CACNA1C: variants seen among roughly 807,000 people sequenced by gnomAD.
CACNA1C encodes calcium voltage-gated channel subunit alpha1 C.
In CACNA1C, 30 loss-of-function variants were observed where a neutral mutation model predicts 229.0. The observed-to-expected ratio is 0.13, with a 90% CI of 0.10 to 0.18. CACNA1C has a LOEUF of 0.18. CACNA1C is among the 10% of genes least tolerant of loss of function. The pLI is 1.00. For synonymous variants in CACNA1C, 1,114 were observed against 1,132.5 expected (o/e 0.98, Z 0.33); for missense variants, 1,658 against 2,845.0 (o/e 0.58, Z 9.49).
chr12:2,586,987 A>G (rs1461543600), intron 18 of CACNA1C, among the ~76,000 whole-genome samples: 1 of 152,230 alleles, frequency 6.6e-6, no homozygotes, highest in African/African-American at 2.4e-5. Context: ...AACAAATGCA[A>G]TGGGAGGATC....
chr12:2,680,193 C>T (rs879216878), intron 42 of CACNA1C, among the ~76,000 whole-genome samples: 1 of 151,938 alleles, frequency 6.6e-6, no homozygotes, highest in Admixed American at 6.5e-5. Flanking sequence ...GTTTCCATTG[C>T]TTCCCTGGAG....
intron 3 of CACNA1C, among the ~76,000 whole-genome samples, chr12:2,384,276 T>A (rs1443855836): frequency 6.6e-6 from 1 of 152,248 alleles, no homozygotes; most frequent in Non-Finnish European, 1.5e-5. Flanking sequence ...TTGTTACATC[T>A]TGTTTCTACT....
intron 3 of CACNA1C, among the ~76,000 whole-genome samples, chr12:2,336,123 C>G (rs1029634439): frequency 2.6e-5 from 4 of 151,792 alleles, no homozygotes; most frequent in African/African-American, 9.7e-5. Context: ...GAGAAACTGG[C>G]AAAGCATGGA....
chr12:2,364,526 C>T (rs1238888050), intron 3 of CACNA1C, among the ~76,000 whole-genome samples: 1 of 152,136 alleles, frequency 6.6e-6, no homozygotes, highest in South Asian at 2.1e-4. Flanking sequence ...TTCTTAATAC[C>T]GTTCAGAAAA....
At chr12:2,107,029 T>G (rs12366536) in intron 1 of CACNA1C, among the ~76,000 whole-genome samples, 751 of 18,702 alleles carry the variant, frequency 0.04, 35 homozygotes, top group African/African-American at 0.061. Context: ...CCCGGGGAGG[T>G]TTTCCACCTC....
intron 3 of CACNA1C, among the ~76,000 whole-genome samples, chr12:2,375,828 G>A (rs999909208): frequency 6.6e-6 from 1 of 152,220 alleles, no homozygotes; most frequent in South Asian, 2.1e-4. Context: ...AGAGCTCACT[G>A]GTAACTCAGG....
At chr12:1,977,763 T>C (rs2034880333) in intron 1 of CACNA1C, among the ~76,000 whole-genome samples, 1 of 152,236 alleles carries the variant, frequency 6.6e-6, no homozygotes, top group African/African-American at 2.4e-5. Context: ...CTAAGTATAG[T>C]GAGCAATATT....
chr12:2,360,754 G>T (rs537852261), intron 3 of CACNA1C, among the ~76,000 whole-genome samples: 1 of 152,192 alleles, frequency 6.6e-6, no homozygotes, highest in African/African-American at 2.4e-5. Context: ...GTCTCTACTG[G>T]CTGTTTGAAG....
chr12:2,248,910 C>T (rs1435418968), intron 3 of CACNA1C, among the ~76,000 whole-genome samples: 1 of 152,180 alleles, frequency 6.6e-6, no homozygotes, highest in Non-Finnish European at 1.5e-5. Context: ...GTCCTGTTCT[C>T]ACAGAGCTGC....
chr12:2,061,726 G>C (rs1313395704), intron 1 of CACNA1C, among the ~76,000 whole-genome samples: 6 of 152,146 alleles, frequency 3.9e-5, no homozygotes, highest in Non-Finnish European at 8.8e-5. Flanking sequence ...CTGAAAATAG[G>C]GCCATTGAGG....
At chr12:2,088,782 C>T (rs779412236) in intron 1 of CACNA1C, among the ~76,000 whole-genome samples, 6 of 151,986 alleles carry the variant, frequency 3.9e-5, no homozygotes, top group Admixed American at 1.3e-4. Context: ...GCTCAGCTTA[C>T]GTTAAGAGAT....
rs944136432 is a variant in CACNA1C, at chr12:2,354,206, C to T, written c.478-94770C>T. 1.3e-5 allele frequency among the ~76,000 whole-genome samples: 2 copies of T among 152,144 alleles called. No individual in the cohort carries two copies. Among genetic ancestry groups the T allele is most frequent in the Admixed American group, 6.5e-5 (1 of 15,272 alleles). The stretch of plus-strand genomic sequence containing the variant: ...GAAGCCCCGCCTTTCATGTGGGCCC[C>T]GCACAGTTAGGCTGCCCGAGTCCCT... On this transcript the variant is annotated intron_variant, in intron 3 of 46. Transcript: ENST00000399655. The surrounding 1 kb of genome is among the most constrained non-coding windows in gnomAD (Gnocchi z 4.6).
At chr12:2,122,281 C>T (rs1249752692) in intron 3 of CACNA1C, among the ~76,000 whole-genome samples, 1 of 152,128 alleles carries the variant, frequency 6.6e-6, no homozygotes. Flanking sequence ...CAAACATCAT[C>T]GAATTGTGTA....
chr12:2,450,510 T>TGC (rs2099357019), intron 4 of CACNA1C, among the ~76,000 whole-genome samples: 1 of 123,920 alleles, frequency 8.1e-6, no homozygotes, highest in Non-Finnish European at 1.6e-5. Flanking sequence ...GCCGAGATCA[T>TGC]GCCACTGCAC....
intron 21 of CACNA1C, among the ~76,000 whole-genome samples, chr12:2,600,540 G>A (rs780683792): frequency 1.3e-5 from 2 of 152,168 alleles, no homozygotes; most frequent in Admixed American, 6.5e-5. Context: ...CCCTTTGGCC[G>A]ATGCTTCCTG....
chr12:2,438,117 G>C (rs1315525112), intron 3 of CACNA1C, among the ~76,000 whole-genome samples: 1 of 150,218 alleles, frequency 6.7e-6, no homozygotes, highest in Non-Finnish European at 1.5e-5. Flanking sequence ...AGTGATAGTA[G>C]AGGTAGTAGT....
chr12:2,284,292 G>GTT (rs2092223223), intron 3 of CACNA1C, among the ~76,000 whole-genome samples: 1 of 146,004 alleles, frequency 6.8e-6, no homozygotes, highest in African/African-American at 2.6e-5. Context: ...CAGACCTCTA[G>GTT]ATTTTTTTTT....
intron 34 of CACNA1C, among the ~76,000 whole-genome samples, chr12:2,656,184 A>G (rs529091853): frequency 7.2e-5 from 11 of 152,250 alleles, no homozygotes; most frequent in South Asian, 2.1e-4. Flanking sequence ...GATCTTATAT[A>G]TAGAAAATCC....
At chr12:1,992,955 T>C in intron 1 of CACNA1C, 1 of 597,064 alleles carries the variant, frequency 1.7e-6, no homozygotes, top group Non-Finnish European at 3.0e-6. Context: ...GTCTCCTCAC[T>C]AAGAACTTGC....
Sources: allele counts gnomAD v4.1 joint callset (sites outside exome capture counted in the v4.1 genomes callset), GRCh38; gene constraint gnomAD v4.1.1; non-coding constraint Gnocchi (gnomAD v3.1); transcripts MANE v1.5; gene names NCBI Gene and HGNC (gene_info 2026-07-23, HGNC 2026-07-21).